The following JAK1 variants were observed in gnomAD, a reference collection of about 807,000 sequenced individuals.
JAK1 encodes tyrosine-protein kinase JAK1.
JAK1 carries 16 observed loss-of-function variants against 136.6 expected under a neutral mutation model. That is an observed-to-expected ratio of 0.12 (90% CI 0.08 to 0.18). JAK1 has a LOEUF of 0.18. JAK1 is among the 10% of genes least tolerant of loss of function. The pLI, the probability that JAK1 is intolerant of heterozygous loss-of-function variation, is 1.00. For missense variants in JAK1, 859 were observed against 1,450.1 expected (o/e 0.59, Z 6.62); for synonymous variants, 492 against 519.5 (o/e 0.95, Z 0.72).
intron 1 of JAK1, among the ~76,000 whole-genome samples, chr1:64,951,288 C>G (rs952782922): frequency 6.6e-6 from 1 of 152,224 alleles, no homozygotes; most frequent in African/African-American, 2.4e-5. Flanking sequence ...GCAGTATTTT[C>G]ATCAGATTGG....
At chr1:65,004,620 A>G (rs1008413106) in intron 2 of JAK1, among the ~76,000 whole-genome samples, 2 of 149,040 alleles carry the variant, frequency 1.3e-5, no homozygotes, top group African/African-American at 5.0e-5. Flanking sequence ...TTTAGGAACC[A>G]AAATTGCAAA....
At chr1:64,943,361 G>A (rs1645924122) in intron 1 of JAK1, among the ~76,000 whole-genome samples, 1 of 152,168 alleles carries the variant, frequency 6.6e-6, no homozygotes, top group Non-Finnish European at 1.5e-5. Flanking sequence ...TCAACTGCCT[G>A]AAAACAGTCC....
At chr1:64,950,288 G>T (rs969763617) in intron 1 of JAK1, among the ~76,000 whole-genome samples, 1 of 151,806 alleles carries the variant, frequency 6.6e-6, no homozygotes, top group Admixed American at 6.6e-5. Context: ...GGCGCCTGTA[G>T]TCCCAGCTAC....
At chr1:64,940,906 TG>T (rs1645878727) in intron 1 of JAK1, among the ~76,000 whole-genome samples, 1 of 152,204 alleles carries the variant, frequency 6.6e-6, no homozygotes. Context: ...CACTCACGCT[TG>T]TAATCTCAGC....
intron 20 of JAK1, 96 bp from the exon 21 acceptor site, chr1:64,838,685 A>C: frequency 7.7e-7 from 1 of 1,294,970 alleles, no homozygotes; most frequent in Non-Finnish European, 1.1e-6. Context: ...CCCTGAGGTG[A>C]CGCCAGCTTC....
intron 19 of JAK1, among the ~76,000 whole-genome samples, chr1:64,840,846 A>G (rs1486203732): frequency 6.6e-6 from 1 of 152,040 alleles, no homozygotes; most frequent in East Asian, 1.9e-4. Flanking sequence ...GGCAAAAGAA[A>G]AAGAGAGAAG....
chr1:64,879,443 G>A (rs1028129889), intron 3 of JAK1, among the ~76,000 whole-genome samples: 2 of 152,060 alleles, frequency 1.3e-5, no homozygotes, highest in African/African-American at 4.8e-5. Flanking sequence ...CCGTCACAGA[G>A]CCTTATCAAA....
At chr1:64,935,521 G>T (rs767040091) in intron 1 of JAK1, among the ~76,000 whole-genome samples, 4 of 151,080 alleles carry the variant, frequency 2.6e-5, no homozygotes, top group African/African-American at 9.7e-5. Context: ...GGCTGGTCTC[G>T]AACTCTCCTG....
intron 2 of JAK1, among the ~76,000 whole-genome samples, chr1:64,981,435 C>T (rs374367591): frequency 1.7e-4 from 26 of 152,324 alleles, no homozygotes; most frequent in African/African-American, 6.3e-4. Context: ...GCACCTGGCC[C>T]AGTGCCTCCA....
intron 2 of JAK1, among the ~76,000 whole-genome samples, chr1:65,022,064 A>T (rs1478041893): frequency 6.6e-6 from 1 of 152,194 alleles, no homozygotes; most frequent in Non-Finnish European, 1.5e-5. Context: ...TCTAAATATT[A>T]AGGCACAGTA....
At chr1:64,947,514 G>A (rs1281878072) in intron 1 of JAK1, among the ~76,000 whole-genome samples, 1 of 152,130 alleles carries the variant, frequency 6.6e-6, no homozygotes, top group African/African-American at 2.4e-5. Context: ...CAATGAACAG[G>A]AAGCAGAATA....
chr1:64,891,126 T>C (rs1389509654), intron 1 of JAK1, among the ~76,000 whole-genome samples: 1 of 151,776 alleles, frequency 6.6e-6, no homozygotes, highest in African/African-American at 2.4e-5. Context: ...TGATGAAATA[T>C]ACAGTTCCAG....
intron 1 of JAK1, among the ~76,000 whole-genome samples, chr1:65,066,123 C>T (rs574750984): frequency 6.6e-6 from 1 of 152,144 alleles, no homozygotes; most frequent in Non-Finnish European, 1.5e-5. Flanking sequence ...CAGCTCACCT[C>T]TCCTTCAAAG....
At chr1:64,860,612 C>T (rs1024630020) in intron 8 of JAK1, among the ~76,000 whole-genome samples, 1 of 152,032 alleles carries the variant, frequency 6.6e-6, no homozygotes, top group African/African-American at 2.4e-5. Context: ...TGCCATCACA[C>T]CTGGCTAATT....
chr1:64,864,020 T>A (rs554012645), intron 8 of JAK1, among the ~76,000 whole-genome samples: 3 of 152,270 alleles, frequency 2.0e-5, no homozygotes, highest in African/African-American at 7.2e-5. Flanking sequence ...GAAAGACAAG[T>A]TATTCTGAAT....
At chr1:64,946,243 G>A (rs1195493015) in intron 1 of JAK1, among the ~76,000 whole-genome samples, 5 of 152,172 alleles carry the variant, frequency 3.3e-5, no homozygotes, top group Non-Finnish European at 7.3e-5. Context: ...TATTCCCCTG[G>A]AAGAATACAG....
At chr1:64,919,390 C>A (rs1645457186) in intron 1 of JAK1, among the ~76,000 whole-genome samples, 1 of 152,156 alleles carries the variant, frequency 6.6e-6, no homozygotes, top group Non-Finnish European at 1.5e-5. Flanking sequence ...TGTATATGTG[C>A]CACAGTTTCT....
intron 1 of JAK1, among the ~76,000 whole-genome samples, chr1:64,896,983 A>G (rs60540938): frequency 0.021 from 3,271 of 152,306 alleles, 125 homozygotes; most frequent in African/African-American, 0.076. Flanking sequence ...CTCTTGGAAA[A>G]ATATATACAT....
intron 10 of JAK1, among the ~76,000 whole-genome samples, chr1:64,856,044 T>C (rs1303312107): frequency 1.3e-5 from 2 of 152,172 alleles, no homozygotes; most frequent in Non-Finnish European, 1.5e-5. Flanking sequence ...TTATCTAACA[T>C]GGTGTATTGA....
Sources: gnomAD v4.1 joint callset for allele counts (sites outside exome capture counted in the v4.1 genomes callset) on GRCh38, gnomAD v4.1.1 for gene constraint, MANE v1.5 for transcripts, NCBI Gene and HGNC (gene_info 2026-07-23, HGNC 2026-07-21) for gene names.